Variants in KLF12 observed in about 807,000 individuals in gnomAD.
The protein encoded by KLF12 is KLF transcription factor 12.
KLF12 carries 9 observed loss-of-function variants against 37.8 expected under a neutral mutation model. The ratio of observed to expected loss-of-function variants is 0.24; its 90% CI spans 0.14 to 0.42. The LOEUF (loss-of-function observed/expected upper bound fraction) is 0.42, where lower values mean the gene tolerates loss of function less well. Ranked by LOEUF, KLF12 falls within the 10% of genes least tolerant of loss-of-function variation. The pLI is 1.00. For missense variants in KLF12, 411 were observed against 516.0 expected (o/e 0.80, Z 1.97); for synonymous variants, 208 against 202.1 (o/e 1.03, Z -0.25).
chr13:74,203,599 C>T, the KLF12 span, among the ~76,000 whole-genome samples: 5 of 152,008 alleles, frequency 3.3e-5, no homozygotes, highest in African/African-American at 7.2e-5. Context: ...AAAAGCAGGA[C>T]ACATTATGAT....
chr13:74,223,456 ATCT>A, the KLF12 span, among the ~76,000 whole-genome samples: 5 of 152,288 alleles, frequency 3.3e-5, no homozygotes, highest in South Asian at 4.1e-4. Context: ...GATTTCCCAG[ATCT>A]TCTCCATTAC....
At chr13:73,761,212 AT>A (rs1213081395) in intron 6 of KLF12, among the ~76,000 whole-genome samples, 2 of 152,160 alleles carry the variant, frequency 1.3e-5, no homozygotes, top group African/African-American at 2.4e-5. Flanking sequence ...AGAAAAATAG[AT>A]TTTTTCTGGC....
At chr13:74,036,449 G>A (rs143685566) in intron 1 of KLF12, among the ~76,000 whole-genome samples, 3 of 152,064 alleles carry the variant, frequency 2.0e-5, no homozygotes, top group South Asian at 2.1e-4. Flanking sequence ...TTGTCCCCAC[G>A]CCCACCCACA....
intron 1 of KLF12, among the ~76,000 whole-genome samples, chr13:74,114,109 C>T (rs79892492): frequency 7.9e-5 from 12 of 152,262 alleles, no homozygotes; most frequent in African/African-American, 2.4e-4. Context: ...TTGCTTCTTA[C>T]AAACAAAGTA....
At chr13:73,827,919 A>C (rs929619404) in intron 4 of KLF12, among the ~76,000 whole-genome samples, 6 of 152,150 alleles carry the variant, frequency 3.9e-5, no homozygotes, top group Non-Finnish European at 7.3e-5. Flanking sequence ...AGTTATCTTC[A>C]TGCATATATT....
intron 1 of KLF12, among the ~76,000 whole-genome samples, chr13:74,080,341 T>C (rs1222240442): frequency 6.6e-6 from 1 of 151,992 alleles, no homozygotes; most frequent in Non-Finnish European, 1.5e-5. Context: ...ACAGCTACAA[T>C]GGAGGCTGAG....
the KLF12 span, among the ~76,000 whole-genome samples, chr13:74,268,588 T>C: frequency 6.6e-6 from 1 of 152,216 alleles, no homozygotes; most frequent in Non-Finnish European, 1.5e-5. Context: ...TCTTACAGTT[T>C]CATTTAGGAG....
the KLF12 span, among the ~76,000 whole-genome samples, chr13:74,278,407 T>A: frequency 6.6e-6 from 1 of 152,288 alleles, no homozygotes; most frequent in Non-Finnish European, 1.5e-5. Flanking sequence ...CCTCTCCTTA[T>A]CTCCATCTAA....
At chr13:74,105,555 T>C (rs902081546) in intron 1 of KLF12, among the ~76,000 whole-genome samples, 7 of 152,204 alleles carry the variant, frequency 4.6e-5, no homozygotes, top group Non-Finnish European at 8.8e-5. Context: ...AGCAAGGGCA[T>C]AGACGGGTAG....
chr13:74,070,619 G>T (rs900249700), intron 1 of KLF12, among the ~76,000 whole-genome samples: 1 of 152,158 alleles, frequency 6.6e-6, no homozygotes, highest in African/African-American at 2.4e-5. Flanking sequence ...GCAGGGATAG[G>T]CCCACTAATT....
chr13:73,968,540 T>C (rs2138086381), intron 2 of KLF12, among the ~76,000 whole-genome samples: 1 of 152,304 alleles, frequency 6.6e-6, no homozygotes, highest in African/African-American at 2.4e-5. Flanking sequence ...GTATCTTTCG[T>C]CGTCATCTAT....
At chr13:74,131,045 C>G (rs1878235536) in intron 1 of KLF12, among the ~76,000 whole-genome samples, 2 of 152,198 alleles carry the variant, frequency 1.3e-5, no homozygotes, top group Non-Finnish European at 2.9e-5. Flanking sequence ...TTACCCCAAA[C>G]TCTAGATTAA....
chr13:73,771,423 C>T (rs1264985851), intron 5 of KLF12, among the ~76,000 whole-genome samples: 1 of 152,128 alleles, frequency 6.6e-6, no homozygotes, highest in African/African-American at 2.4e-5. Context: ...ACTATTGCAT[C>T]CTCAGAGCTT....
intron 5 of KLF12, among the ~76,000 whole-genome samples, chr13:73,770,764 C>G (rs1444423464): frequency 6.6e-6 from 1 of 152,010 alleles, no homozygotes; most frequent in Non-Finnish European, 1.5e-5. Flanking sequence ...CTCAAATGAT[C>G]CTCCTGCCTC....
At chr13:74,147,336 G>T in the KLF12 span, among the ~76,000 whole-genome samples, 2 of 151,842 alleles carry the variant, frequency 1.3e-5, no homozygotes, top group African/African-American at 4.8e-5. Flanking sequence ...GCTAATAGGT[G>T]CTCCTACACA....
At chr13:74,154,467 C>T in the KLF12 span, among the ~76,000 whole-genome samples, 1 of 152,134 alleles carries the variant, frequency 6.6e-6, no homozygotes, top group Non-Finnish European at 1.5e-5. Context: ...TGGAGTTACA[C>T]ATACACCATG....
chr13:74,257,134 T>TG, the KLF12 span: 14 of 152,402 alleles, frequency 9.2e-5, no homozygotes, highest in African/African-American at 3.4e-4. Context: ...GTACATGGGC[T>TG]GGGGAAGGAG....
Position 74,125,926 on chromosome 13 carries a change from G to A in KLF12, c.-32+7813C>T, listed in dbSNP as rs576911770. ...GAGGTAGGAGTAACACAAGGGGAAA[G>A]TCCAGGGGGCTTTCTAGCGTTCAGC... is the stretch of plus-strand genomic sequence containing the variant. On this transcript the variant is annotated intron_variant, in intron 1 of 7. Transcript: ENST00000377669. 2.6e-5 allele frequency among the ~76,000 whole-genome samples: 4 copies of A among 152,302 alleles called. No homozygotes were observed. In the South Asian group the frequency reaches 8.3e-4, roughly 32 times the overall value.
At chr13:73,958,556 A>T (rs551427167) in intron 2 of KLF12, among the ~76,000 whole-genome samples, 7 of 151,840 alleles carry the variant, frequency 4.6e-5, no homozygotes, top group South Asian at 4.2e-4. Context: ...TTTTTTTTTT[A>T]AACTTGTAAA....
Sources: gnomAD v4.1 joint callset for allele counts (sites outside exome capture counted in the v4.1 genomes callset) on GRCh38, gnomAD v4.1.1 for gene constraint, MANE v1.5 for transcripts, NCBI Gene and HGNC (gene_info 2026-07-23, HGNC 2026-07-21) for gene names.